MAN2B2: variants seen among roughly 807,000 people sequenced by gnomAD.
The protein encoded by MAN2B2 is epididymis-specific alpha-mannosidase.
MAN2B2 carries 106 observed loss-of-function variants against 117.1 expected under a neutral mutation model. The observed-to-expected ratio is 0.90, with a 90% CI of 0.77 to 1.06. MAN2B2 has a LOEUF of 1.06. Ranked by LOEUF, MAN2B2 falls within the 50% of genes least tolerant of loss-of-function variation. The pLI, the probability that MAN2B2 is intolerant of heterozygous loss-of-function variation, is 0.00. For missense variants in MAN2B2, 1,326 were observed against 1,381.4 expected (o/e 0.96, Z 0.64); for synonymous variants, 544 against 595.1 (o/e 0.91, Z 1.25).
chr4:6,586,926 G>A, intron 3 of MAN2B2, 70 bp from the exon 4 acceptor site: 1 of 1,488,360 alleles, frequency 6.7e-7, no homozygotes, highest in Non-Finnish European at 9.2e-7. Context: ...AGGGTCCCCT[G>A]GGGTGAGGAT....
chr4:6,597,093 C>T lies in MAN2B2; in HGVS notation c.1058-20C>T, dbSNP rs1407125940. On this transcript the variant is annotated intron_variant, in intron 7 of 18. Coordinates refer to ENST00000285599, the MANE Select transcript of MAN2B2 (RefSeq NM_015274.3). ...CTGGGTCATGCCGTCTCAAGCTCAC[C>T]ATCTTCCCTTGTCTCCCAGAACCAT... 2 of 1,608,690 alleles carry T rather than the reference C, an allele frequency of 1.2e-6. No homozygotes were observed. The highest frequency in any genetic ancestry group is 1.7e-5 in the Admixed American group (1 of 59,480).
intron 3 of MAN2B2, among the ~76,000 whole-genome samples, chr4:6,586,709 T>G (rs1325904973): frequency 6.6e-6 from 1 of 152,146 alleles, no homozygotes; most frequent in Admixed American, 6.5e-5. Context: ...GAGGAGAACA[T>G]TCTGGAAAGG....
In MAN2B2 at chr4:6,621,641, G is replaced by A. The variant is rs911967322; in HGVS notation, c.*356G>A. ...ACAGCAGCACCGAAGCGCATCTGCCGTCCGGGCCCTGCCAGGCTTGCCAGG... is the reference window on the plus strand; with the variant it reads ...ACAGCAGCACCGAAGCGCATCTGCCATCCGGGCCCTGCCAGGCTTGCCAGG... On this transcript the variant is annotated 3_prime_UTR_variant, in exon 19 of 19. Coordinates refer to ENST00000285599, the MANE Select transcript of MAN2B2 (RefSeq NM_015274.3). The A allele has an allele frequency of 7.7e-5, 14 of 181,730 alleles. No individual in the cohort carries two copies. The highest frequency in any genetic ancestry group is 2.4e-3 in the Middle Eastern group (1 of 418). The allele number at this position is 181,730 out of a possible 1,614,324, so 11.3% of individuals were successfully genotyped here. A position where few individuals can be genotyped will look rare whatever the true frequency, so the allele number is the denominator to read the frequency against.
rs773942776 is a variant in MAN2B2 at position 6,609,825 on chromosome 4, T to C, written c.2034T>C (p.Tyr678=). 2 of 1,613,998 alleles carry C rather than the reference T, an allele frequency of 1.2e-6. No individual in the cohort carries two copies. Among genetic ancestry groups the C allele is most frequent in the South Asian group, 1.1e-5 (1 of 91,084 alleles). The stretch of plus-strand genomic sequence containing the variant: ...ACATGACAGCACAGAATTACACGTA[T>C]GCAATCCGCTCCCGGCTCACCCATG... ...YRNMTAQNYT[Y]AIRSRLTHVP... Residue 678 remains tyrosine (Y), a synonymous_variant, in exon 13 of 19, where the codon TAT becomes TAC. Coordinates refer to ENST00000285599, the MANE Select transcript of MAN2B2 (RefSeq NM_015274.3).
intron 11 of MAN2B2, among the ~76,000 whole-genome samples, chr4:6,607,324 A>G (rs1727592173): frequency 6.6e-6 from 1 of 152,096 alleles, no homozygotes; most frequent in Non-Finnish European, 1.5e-5. Flanking sequence ...CTCCCACCTC[A>G]GCCTCTTGAG....
intron 8 of MAN2B2, among the ~76,000 whole-genome samples, 173 bp from the exon 9 acceptor site, chr4:6,598,025 C>T (rs374416412): frequency 1.3e-4 from 20 of 152,344 alleles, no homozygotes; most frequent in Admixed American, 3.3e-4. Context: ...TGGGCGAGCT[C>T]CTCAGCTTCT....
Position 6,597,164 on chromosome 4 carries a change from G to T in MAN2B2, c.1109G>T (p.Gly370Val). ...GFYTSRSSLKGLARRASALLY... is the reference protein window; with the variant it reads ...GFYTSRSSLKVLARRASALLY... The stretch of plus-strand genomic sequence containing the variant: ...TACACGTCCCGCAGCTCACTGAAGG[G>T]GCTGGCCCGGCGAGCCAGCGCCTTG... The change falls in exon 8 of 19, where the codon GGG (glycine) becomes GTG (valine). Residue 370 changes from glycine to valine, a missense_variant. Coordinates refer to ENST00000285599, the MANE Select transcript of MAN2B2 (RefSeq NM_015274.3). 1 of 1,613,010 alleles carries T rather than the reference G, an allele frequency of 6.2e-7. No individual in the cohort carries two copies. Among genetic ancestry groups the T allele is most frequent in the Non-Finnish European group, 8.5e-7 (1 of 1,179,832 alleles).
In MAN2B2 at chr4:6,578,473, T is replaced by C. The variant is rs770648878; in HGVS notation, c.366T>C (p.Leu122=). 71 of 1,613,340 alleles carry C rather than the reference T, an allele frequency of 4.4e-5. No individual in the cohort carries two copies. Among genetic ancestry groups the C allele is most frequent in the Non-Finnish European group, 3.4e-6 (4 of 1,179,748 alleles). ...QVMHDEAVTH[L]DDQILQLTEG... ...TGCATGACGAGGCTGTGACGCACCT[T>C]GATGACCAGATCCTGCAGCTCACAG... is the stretch of plus-strand genomic sequence containing the variant. The change falls in exon 3 of 19, where the codon CTT becomes CTC. Residue 122 remains leucine (L), a synonymous_variant. Coordinates refer to ENST00000285599, the MANE Select transcript of MAN2B2 (RefSeq NM_015274.3).
At chr4:6,602,288 A>G (rs558298085) in intron 10 of MAN2B2, among the ~76,000 whole-genome samples, 1 of 152,296 alleles carries the variant, frequency 6.6e-6, no homozygotes, top group South Asian at 2.1e-4. Flanking sequence ...GGCTTAAATG[A>G]CATACATTTA....
At chr4:6,579,419 C>T (rs1577270568) in intron 3 of MAN2B2, among the ~76,000 whole-genome samples, 2 of 140,476 alleles carry the variant, frequency 1.4e-5, no homozygotes, top group Admixed American at 7.0e-5. Flanking sequence ...ATCACCATCA[C>T]CACCACCATC....
intron 16 of MAN2B2, among the ~76,000 whole-genome samples, chr4:6,616,652 C>A (rs1167527899): frequency 6.6e-6 from 1 of 152,278 alleles, no homozygotes; most frequent in East Asian, 1.9e-4. Context: ...ACGCAGCCTC[C>A]CCTGACTTCA....
chr4:6,608,698 A>C (rs954408271), intron 11 of MAN2B2, among the ~76,000 whole-genome samples: 2 of 152,178 alleles, frequency 1.3e-5, no homozygotes, highest in Non-Finnish European at 2.9e-5. Flanking sequence ...AACCAGGTGA[A>C]GTCAGTGAAG....
intron 10 of MAN2B2, among the ~76,000 whole-genome samples, chr4:6,602,530 C>T (rs528642370): frequency 3.9e-5 from 6 of 152,302 alleles, no homozygotes; most frequent in African/African-American, 7.2e-5. Flanking sequence ...ACTTGGAATC[C>T]GGACGTCAGC....
Position 6,587,122 on chromosome 4 carries a change from G to A in MAN2B2, c.518G>A (p.Gly173Asp). The change falls in exon 4 of 19, where the codon GGC (glycine) becomes GAC (aspartate). Residue 173 changes from glycine (G) to aspartate (D), a missense_variant. Gly to Asp is a moderately conservative substitution (Grantham distance 94). Transcript: ENST00000285599. ...FALAGFNAHLGSRIDYDLKAA... is the reference protein window; with the variant it reads ...FALAGFNAHLDSRIDYDLKAA... ...CTGGCGGGCTTCAATGCCCACCTCG[G>A]CTCCCGGATCGACTACGACCTGAAG... 1 of 1,613,850 alleles carries A rather than the reference G, an allele frequency of 6.2e-7. No homozygotes were observed. The highest frequency in any genetic ancestry group is 8.5e-7 in the Non-Finnish European group (1 of 1,180,008).
chr4:6,578,382 C>T lies in MAN2B2; in HGVS notation c.286-11C>T, dbSNP rs780657109. ...TAACTGGCTTTTTTCTCTCTGCCTG[C>T]CCATGTCAAGGTCCGCCAGCTCCTG... On this transcript the variant is annotated splice_polypyrimidine_tract_variant and intron_variant, in intron 2 of 18. Coordinates refer to ENST00000285599, the MANE Select transcript of MAN2B2 (RefSeq NM_015274.3). 11 of 1,606,622 alleles carry T rather than the reference C, an allele frequency of 6.8e-6. No individual in the cohort carries two copies. The highest frequency in any genetic ancestry group is 9.4e-6 in the Non-Finnish European group (11 of 1,174,906).
intron 13 of MAN2B2, 106 bp downstream of exon 13, chr4:6,610,156 T>A (rs1577292858): frequency 6.8e-7 from 1 of 1,477,866 alleles, no homozygotes; most frequent in African/African-American, 1.5e-5. Flanking sequence ...CCAGTGAGAA[T>A]GTTTTTTTCC....
chr4:6,598,281 G>A lies in MAN2B2; in HGVS notation c.1332G>A (p.Leu444=). 1.2e-6 allele frequency: 2 copies of A among 1,613,664 alleles called. No individual in the cohort carries two copies. Among genetic ancestry groups the A allele is most frequent in the Non-Finnish European group, 1.7e-6 (2 of 1,180,028 alleles). ...CAACGCACCTGGCCTCGGGGATGCT[G>A]GGCATGCGCAAGCTGATGGCCTCCA... ...MYATHLASGM[L]GMRKLMASIV... is the part of the protein sequence containing the mutation. The change falls in exon 9 of 19, where the codon CTG becomes CTA. Residue 444 remains leucine (L), a synonymous_variant. Transcript: ENST00000285599.
intron 5 of MAN2B2, among the ~76,000 whole-genome samples, chr4:6,590,333 C>T (rs1433957142): frequency 6.6e-6 from 1 of 152,010 alleles, no homozygotes; most frequent in Non-Finnish European, 1.5e-5. Context: ...TGCAGTAAGC[C>T]AATATTGCAC....
At position 6,598,242 on chromosome 4, in the gene MAN2B2, G is replaced by C. The variant is rs758078717; in HGVS notation, c.1293G>C (p.Val431=). The change falls in exon 9 of 19, where the codon GTG becomes GTC. Residue 431 remains valine, a synonymous_variant. Coordinates refer to ENST00000285599, the MANE Select transcript of MAN2B2 (RefSeq NM_015274.3). The part of the protein sequence containing the change: ...DAITGTESPK[V]RDMYATHLAS... ...TCACTGGGACTGAGTCCCCCAAGGTGAGAGACATGTACGCAACGCACCTGG... is the reference window on the plus strand; with the variant it reads ...TCACTGGGACTGAGTCCCCCAAGGTCAGAGACATGTACGCAACGCACCTGG... The C allele has an allele frequency of 6.2e-7, 1 of 1,613,812 alleles. No homozygotes were observed. Among genetic ancestry groups the C allele is most frequent in the East Asian group, 2.2e-5 (1 of 44,888 alleles).
Sources: gnomAD v4.1 joint callset for allele counts (sites outside exome capture counted in the v4.1 genomes callset) on GRCh38, gnomAD v4.1.1 for gene constraint, MANE v1.5 for transcripts, NCBI Gene and HGNC (gene_info 2026-07-23, HGNC 2026-07-21) for gene names.